Variants in BUB1B observed in about 807,000 individuals in gnomAD.
BUB1B encodes the protein BUB1 mitotic checkpoint serine/threonine kinase B.
In BUB1B, 86 loss-of-function variants were observed where a neutral mutation model predicts 137.7. The observed-to-expected ratio is 0.62, with a 90% CI of 0.52 to 0.75. BUB1B has a LOEUF of 0.75. BUB1B is among the 30% of genes least tolerant of loss of function. The probability of loss-of-function intolerance (pLI) is 0.00; values close to 1 mark genes in which losing one functional copy is unlikely to be tolerated. For synonymous variants in BUB1B, 420 were observed against 417.9 expected, an observed-to-expected ratio of 1.00 and a Z score of -0.06; for missense variants, 1,130 against 1,236.9, an observed-to-expected ratio of 0.91 and a Z score of 1.30.
chr15:40,175,952 T>C (rs1370397949), intron 4 of BUB1B, among the ~76,000 whole-genome samples: 1 of 152,166 alleles, frequency 6.6e-6, no homozygotes, highest in Admixed American at 6.6e-5. Context: ...TCCCCCCTTT[T>C]TTTAATTTTC....
chr15:40,210,488 G>C (rs2037696964), intron 18 of BUB1B, among the ~76,000 whole-genome samples: 1 of 152,018 alleles, frequency 6.6e-6, no homozygotes, highest in Non-Finnish European at 1.5e-5. Flanking sequence ...CATTACCTTT[G>C]TCTTATATTG....
chr15:40,215,196 A>G (rs1566829135), intron 20 of BUB1B, among the ~76,000 whole-genome samples: 1 of 152,180 alleles, frequency 6.6e-6, no homozygotes, highest in Non-Finnish European at 1.5e-5. Flanking sequence ...GGGGCCGAGC[A>G]CAGTGGCTCA....
intron 5 of BUB1B, among the ~76,000 whole-genome samples, chr15:40,180,228 A>AATT (rs1421584834): frequency 6.7e-6 from 1 of 148,290 alleles, no homozygotes; most frequent in African/African-American, 2.5e-5. Flanking sequence ...CTGGATATAG[A>AATT]ATTCTGGGTC....
chr15:40,212,559 A>G lies in BUB1B; in HGVS notation c.2446A>G (p.Asn816Asp). ...CAACCTCAAGTTAAAGGAACGTTTA[A>G]ATGAAGATTTTGATCATTTTTGCAG... is the stretch of plus-strand genomic sequence containing the variant. ...YINLKLKERL[N>D]EDFDHFCSCY... is the part of the protein sequence containing the mutation. Residue 816 changes from asparagine (N) to aspartate (D), a missense_variant, in exon 19 of 23, where the codon AAT becomes GAT. Physicochemically the swap from Asn to Asp is conservative, Grantham distance 23. Coordinates refer to ENST00000287598, the MANE Select transcript of BUB1B (RefSeq NM_001211.6). The G allele has an allele frequency of 6.2e-7, 1 of 1,613,384 alleles. No individual in the cohort carries two copies. The highest frequency in any genetic ancestry group is 8.5e-7 in the Non-Finnish European group (1 of 1,179,462).
At chr15:40,180,433 T>G (rs2037274388) in intron 5 of BUB1B, among the ~76,000 whole-genome samples, 1 of 151,214 alleles carries the variant, frequency 6.6e-6, no homozygotes, top group Non-Finnish European at 1.5e-5. Context: ...ACCCGGCTAA[T>G]TTTTGTAGTT....
Position 40,170,686 on chromosome 15 carries a change from GTC to G in BUB1B, c.384+7_384+8del. 6.2e-7 allele frequency: 1 copy of G among 1,613,020 alleles called. No homozygotes were observed. Among genetic ancestry groups the G allele is most frequent in the South Asian group, 1.1e-5 (1 of 91,046 alleles). ...CTCAATCTCTGGCTTAAATTAGTAA[GTC>G]TTTCTCAAGTGCCATCTGAGTTTTA... On this transcript the variant is annotated splice_donor_region_variant and intron_variant, in intron 4 of 22. Transcript: ENST00000287598.
chr15:40,177,801 T>C (rs185268043), intron 5 of BUB1B, among the ~76,000 whole-genome samples: 22 of 152,034 alleles, frequency 1.4e-4, no homozygotes, highest in African/African-American at 5.1e-4. Context: ...GCTTTTTTTT[T>C]TTTAAGTAAA....
At chr15:40,185,409 G>C in intron 7 of BUB1B, 30 bp downstream of exon 7, 3 of 1,610,962 alleles carry the variant, frequency 1.9e-6, no homozygotes, top group Non-Finnish European at 2.5e-6. Flanking sequence ...GTGCTTTGCT[G>C]ACACAACAAA....
intron 4 of BUB1B, among the ~76,000 whole-genome samples, 190 bp downstream of exon 4, chr15:40,170,871 A>G (rs1162363134): frequency 1.3e-5 from 2 of 152,220 alleles, no homozygotes; most frequent in Admixed American, 1.3e-4. Flanking sequence ...ATAGTATAAT[A>G]AGGTATTTTC....
At chr15:40,179,920 T>C (rs2037263874) in intron 5 of BUB1B, among the ~76,000 whole-genome samples, 3 of 151,594 alleles carry the variant, frequency 2.0e-5, no homozygotes, top group African/African-American at 4.8e-5. Context: ...TACATCTATA[T>C]GCATTGAAAA....
chr15:40,164,021 T>C (rs1175817451), intron 1 of BUB1B, among the ~76,000 whole-genome samples: 1 of 152,210 alleles, frequency 6.6e-6, no homozygotes, highest in African/African-American at 2.4e-5. Context: ...TGCAGGGCTC[T>C]GAATTGCAGA....
At chr15:40,188,586 T>C (rs1439832196) in intron 8 of BUB1B, among the ~76,000 whole-genome samples, 1 of 149,688 alleles carries the variant, frequency 6.7e-6, no homozygotes, top group East Asian at 1.9e-4. Flanking sequence ...AGTTTTCTTT[T>C]TTTTTTTTTT....
chr15:40,217,499 C>G lies in BUB1B; in HGVS notation c.2682C>G (p.Ile894Met). 1.2e-6 allele frequency: 2 copies of G among 1,613,982 alleles called. No homozygotes were observed. The highest frequency in any genetic ancestry group is 1.7e-6 in the Non-Finnish European group (2 of 1,179,946). Residue 894 changes from isoleucine (I) to methionine (M), a missense_variant, in exon 21 of 23, where the codon ATC becomes ATG. Coordinates refer to ENST00000287598, the MANE Select transcript of BUB1B (RefSeq NM_001211.6). ...CTTCTCTTAAATCTGGGCTCAGAATCCACGATCCCTATGATTGTAACAAGA... is the reference window on the plus strand; with the variant it reads ...CTTCTCTTAAATCTGGGCTCAGAATGCACGATCCCTATGATTGTAACAAGA... ...SPRCLILRNR[I>M]HDPYDCNKNN...
chr15:40,191,747 G>A (rs2037441187), intron 8 of BUB1B, among the ~76,000 whole-genome samples: 1 of 152,168 alleles, frequency 6.6e-6, no homozygotes, highest in South Asian at 2.1e-4. Flanking sequence ...CTATTGAATG[G>A]TCTTGGCACT....
intron 4 of BUB1B, among the ~76,000 whole-genome samples, chr15:40,171,928 AT>A (rs755771225): frequency 5.0e-4 from 76 of 152,120 alleles, no homozygotes; most frequent in Non-Finnish European, 5.6e-4. Context: ...TCTAAAATAA[AT>A]TTAAAAAAAT....
At chr15:40,211,348 T>C (rs1595534273) in intron 18 of BUB1B, among the ~76,000 whole-genome samples, 1 of 152,136 alleles carries the variant, frequency 6.6e-6, no homozygotes, top group East Asian at 1.9e-4. Context: ...CGTATTTAAG[T>C]ATGGGACATT....
At chr15:40,185,789 G>A in intron 8 of BUB1B, 147 bp downstream of exon 8, 3 of 791,118 alleles carry the variant, frequency 3.8e-6, no homozygotes, top group East Asian at 5.3e-5. Flanking sequence ...TCCCAGCACA[G>A]GCTGAGGCAG....
chr15:40,164,731 G>A (rs938017724), intron 1 of BUB1B, among the ~76,000 whole-genome samples: 1 of 148,154 alleles, frequency 6.7e-6, no homozygotes, highest in Middle Eastern at 3.2e-3. Flanking sequence ...TCAAACTCCT[G>A]GCTCAAGAAA....
rs1186084833 is a variant in BUB1B at position 40,165,261 on chromosome 15, G to A, written c.179+65G>A. Reference sequence around the variant, plus strand: ...CCTAAATGTTGTAGATAACGTGGGTGTGGATCCATGAGAGATGGCATAATG... The same window carrying A: ...CCTAAATGTTGTAGATAACGTGGGTATGGATCCATGAGAGATGGCATAATG... On this transcript the variant is annotated intron_variant, in intron 2 of 22. Transcript: ENST00000287598. 3.1e-6 allele frequency: 5 copies of A among 1,606,462 alleles called. No individual in the cohort carries two copies. The South Asian group carries it at 4.4e-5, about 14-fold the overall frequency.
Sources: gnomAD v4.1 joint callset for allele counts (sites outside exome capture counted in the v4.1 genomes callset) on GRCh38, gnomAD v4.1.1 for gene constraint, MANE v1.5 for transcripts, NCBI Gene and HGNC (gene_info 2026-07-23, HGNC 2026-07-21) for gene names.